Variants in ANO1 observed in about 807,000 individuals in gnomAD.
The protein encoded by ANO1 is anoctamin 1.
ANO1 carries 59 observed loss-of-function variants against 124.0 expected under a neutral mutation model. The ratio of observed to expected loss-of-function variants is 0.48; its 90% CI spans 0.39 to 0.59. The LOEUF is 0.59. ANO1 is among the 20% of genes least tolerant of loss of function. The probability of loss-of-function intolerance (pLI) is 0.00; values close to 1 mark genes in which losing one functional copy is unlikely to be tolerated. For missense variants in ANO1, 1,059 were observed against 1,328.0 expected (o/e 0.80, Z 3.15); for synonymous variants, 529 against 532.0 (o/e 0.99, Z 0.08).
chr11:70,157,384 A>AAAAAG (rs397963428), intron 16 of ANO1, among the ~76,000 whole-genome samples: 1 of 149,322 alleles, frequency 6.7e-6, no homozygotes, highest in Non-Finnish European at 1.5e-5. Flanking sequence ...AAAAAAAAAA[A>AAAAAG]GGATGCGATT....
intron 12 of ANO1, chr11:70,150,037 A>G (rs960498120): frequency 8.2e-6 from 5 of 609,782 alleles, no homozygotes; most frequent in Non-Finnish European, 1.2e-5. Context: ...CCATGCTCAC[A>G]TGGACACCCA....
At chr11:70,106,740 G>A (rs2045564759) in intron 5 of ANO1, among the ~76,000 whole-genome samples, 1 of 152,228 alleles carries the variant, frequency 6.6e-6, no homozygotes, top group Admixed American at 6.5e-5. Context: ...AGCCTGCAGG[G>A]TTGGCTGAGG....
At chr11:69,994,107 C>CT (rs1264623480) in intron 1 of ANO1, among the ~76,000 whole-genome samples, 1 of 151,058 alleles carries the variant, frequency 6.6e-6, no homozygotes, top group Admixed American at 6.6e-5. Flanking sequence ...TCGTTAACCC[C>CT]CCCCCACAGT....
At chr11:69,974,508 C>G in the ANO1 span, among the ~76,000 whole-genome samples, 1 of 152,198 alleles carries the variant, frequency 6.6e-6, no homozygotes, top group Non-Finnish European at 1.5e-5. Flanking sequence ...GGGCGTCTGC[C>G]CAAGACGGCT....
At chr11:70,096,876 T>G (rs2044998184) in intron 2 of ANO1, among the ~76,000 whole-genome samples, 2 of 151,688 alleles carry the variant, frequency 1.3e-5, no homozygotes, top group Admixed American at 1.3e-4. Flanking sequence ...ATAATAATAA[T>G]AATAATAATA....
intron 8 of ANO1, among the ~76,000 whole-genome samples, chr11:70,123,675 T>C (rs904548445): frequency 5.9e-5 from 9 of 152,232 alleles, no homozygotes; most frequent in African/African-American, 2.2e-4. Context: ...CTGCCTTCCC[T>C]GAGTGTGGCC....
intron 1 of ANO1, among the ~76,000 whole-genome samples, chr11:69,998,926 CAACAAGAGCAA>C (rs1856327196): frequency 6.7e-6 from 1 of 150,352 alleles, no homozygotes; most frequent in Admixed American, 6.7e-5. Context: ...GCAGCCTGGG[CAACAAGAGCAA>C]AACTCTGTTT....
At chr11:70,096,366 G>A (rs2044960969) in intron 2 of ANO1, among the ~76,000 whole-genome samples, 1 of 152,104 alleles carries the variant, frequency 6.6e-6, no homozygotes, top group South Asian at 2.1e-4. Context: ...ACCCGTATCG[G>A]TCCGTGGCCT....
chr11:70,111,301 T>C (rs1025971694), intron 6 of ANO1: 3 of 473,190 alleles, frequency 6.3e-6, no homozygotes, highest in African/African-American at 5.8e-5. Flanking sequence ...TCCTCATGAT[T>C]CAGCTTCTCT....
chr11:70,004,527 G>A (rs563972001), intron 1 of ANO1, among the ~76,000 whole-genome samples: 6 of 152,274 alleles, frequency 3.9e-5, no homozygotes, highest in African/African-American at 1.4e-4. Flanking sequence ...CCACACAGTG[G>A]GAACACAGGG....
At chr11:70,151,259 C>G (rs1325307699) in intron 12 of ANO1, among the ~76,000 whole-genome samples, 2 of 152,246 alleles carry the variant, frequency 1.3e-5, no homozygotes, top group Non-Finnish European at 1.5e-5. Context: ...ACACCTTTAT[C>G]TGCCCAGACA....
At chr11:70,085,597 C>G in intron 1 of ANO1, 10 of 1,535,648 alleles carry the variant, frequency 6.5e-6, no homozygotes, top group Non-Finnish European at 8.7e-6. Flanking sequence ...GCCAAGGTGC[C>G]AGGGACATGG....
the ANO1 span, among the ~76,000 whole-genome samples, chr11:69,974,148 A>G: frequency 1.3e-5 from 2 of 151,766 alleles, no homozygotes; most frequent in Non-Finnish European, 2.9e-5. Flanking sequence ...GTGAAACTCC[A>G]TCTCTACTAA....
At chr11:70,158,329 G>A (rs753052487) in intron 16 of ANO1, among the ~76,000 whole-genome samples, 10 of 152,148 alleles carry the variant, frequency 6.6e-5, no homozygotes, top group East Asian at 1.9e-4. Context: ...CCCTGCCCTC[G>A]TCCAGCCCAA....
At chr11:70,095,350 G>GAAAAAGAA in intron 2 of ANO1, among the ~76,000 whole-genome samples, 1 of 15,302 alleles carries the variant, frequency 6.5e-5, no homozygotes, top group Admixed American at 4.3e-4. Context: ...GAAAGAAAAA[G>GAAAAAGAA]AAAGAAAGAA....
intron 1 of ANO1, among the ~76,000 whole-genome samples, chr11:70,028,616 C>T (rs1856950080): frequency 6.6e-6 from 1 of 152,108 alleles, no homozygotes; most frequent in East Asian, 1.9e-4. Flanking sequence ...ACCCCCACCA[C>T]ACCCCAGAGC....
chr11:70,188,321 C>T lies in ANO1; in HGVS notation c.*317C>T. The T allele has an allele frequency of 2.7e-6, 1 of 376,570 alleles. No individual in the cohort carries two copies. The allele number at this position is 376,570 out of a possible 1,614,324, so 23.3% of individuals were successfully genotyped here. ...AGAATGCTTGGAAACTTGAGTCTCC[C>T]TAGAGGTGAAAAGTGAGCAGAGGCC... On this transcript the variant is annotated 3_prime_UTR_variant, in exon 26 of 26. Coordinates refer to ENST00000355303, the MANE Select transcript of ANO1 (RefSeq NM_018043.7).
intron 1 of ANO1, among the ~76,000 whole-genome samples, chr11:70,084,006 A>T (rs953328533): frequency 1.4e-4 from 21 of 152,202 alleles, no homozygotes; most frequent in Non-Finnish European, 2.5e-4. Flanking sequence ...AGAAGGACAG[A>T]AAGGGCGTAC....
intron 1 of ANO1, among the ~76,000 whole-genome samples, chr11:69,998,871 C>T (rs1856326165): frequency 6.6e-6 from 1 of 151,900 alleles, no homozygotes; most frequent in South Asian, 2.1e-4. Context: ...TCGCTTGAAC[C>T]CAGGAGGTGG....
Sources: gnomAD v4.1 joint callset for allele counts (sites outside exome capture counted in the v4.1 genomes callset) on GRCh38, gnomAD v4.1.1 for gene constraint, MANE v1.5 for transcripts, NCBI Gene and HGNC (gene_info 2026-07-23, HGNC 2026-07-21) for gene names.